AKR1C8: variants seen among roughly 807,000 people sequenced by gnomAD.
AKR1C8 encodes the protein aldo-keto reductase family 1 member C8.
At chr10:5,158,000 G>A in the AKR1C8 span, among the ~76,000 whole-genome samples, 1 of 152,188 alleles carries the variant, frequency 6.6e-6, no homozygotes, top group African/African-American at 2.4e-5. Context: ...CCATTAACAG[G>A]TGAATGGATA....
At chr10:5,184,827 C>T in the AKR1C8 span, among the ~76,000 whole-genome samples, 1 of 152,198 alleles carries the variant, frequency 6.6e-6, no homozygotes, top group Non-Finnish European at 1.5e-5. Context: ...CAATAACTTG[C>T]CATGCCACTT....
At chr10:5,176,655 A>G in the AKR1C8 span, among the ~76,000 whole-genome samples, 41 of 151,506 alleles carry the variant, frequency 2.7e-4, no homozygotes, top group Non-Finnish European at 4.4e-4. Flanking sequence ...TTATTTCCTT[A>G]AGCAGTGGTT....
the AKR1C8 span, chr10:5,157,615 C>A: frequency 2.1e-6 from 1 of 466,614 alleles, no homozygotes; most frequent in Non-Finnish European, 4.5e-6. Flanking sequence ...CACTCTGGAG[C>A]GACTCTGCTC....
chr10:5,178,989 ATAT>A, the AKR1C8 span, among the ~76,000 whole-genome samples: 9 of 152,206 alleles, frequency 5.9e-5, no homozygotes, highest in African/African-American at 1.9e-4. Context: ...TTTAAAGTTA[ATAT>A]TATTATGTTT....
At chr10:5,139,629 A>C in the AKR1C8 span, among the ~76,000 whole-genome samples, 1 of 152,050 alleles carries the variant, frequency 6.6e-6, no homozygotes, top group Non-Finnish European at 1.5e-5. Context: ...TCCCTTCCTT[A>C]TATCTTGTAC....
chr10:5,174,978 A>G, the AKR1C8 span, among the ~76,000 whole-genome samples: 1 of 151,932 alleles, frequency 6.6e-6, no homozygotes, highest in Non-Finnish European at 1.5e-5. Context: ...TTATTTTGTT[A>G]TTATTATATT....
chr10:5,151,279 G>A, the AKR1C8 span, among the ~76,000 whole-genome samples: 1 of 152,116 alleles, frequency 6.6e-6, no homozygotes, highest in Non-Finnish European at 1.5e-5. Context: ...CGCATGACTC[G>A]TAAACCATAA....
chr10:5,185,082 C>T, the AKR1C8 span: 111 of 534,808 alleles, frequency 2.1e-4, no homozygotes, highest in African/African-American at 1.8e-3. Flanking sequence ...CACTGAATGG[C>T]TTTGCTTCAG....
chr10:5,142,378 C>T, the AKR1C8 span, among the ~76,000 whole-genome samples: 1 of 152,082 alleles, frequency 6.6e-6, no homozygotes, highest in Non-Finnish European at 1.5e-5. Flanking sequence ...CTGTAGTTTC[C>T]TTAAAGAACT....
chr10:5,120,466 T>C, the AKR1C8 span, among the ~76,000 whole-genome samples: 6 of 152,186 alleles, frequency 3.9e-5, no homozygotes, highest in African/African-American at 1.2e-4. Flanking sequence ...GTAATAGTAG[T>C]ATTATTTGTT....
the AKR1C8 span, among the ~76,000 whole-genome samples, chr10:5,177,361 T>C: frequency 2.0e-5 from 3 of 152,220 alleles, no homozygotes; most frequent in Admixed American, 6.5e-5. Flanking sequence ...CTTTTTGATG[T>C]GCTGCTGGAT....
the AKR1C8 span, among the ~76,000 whole-genome samples, chr10:5,123,015 G>A: frequency 8.6e-4 from 131 of 152,204 alleles, 1 homozygote; most frequent in Non-Finnish European, 1.3e-3. Flanking sequence ...AGCAGATGTC[G>A]CTAGCACAGG....
At chr10:5,167,927 A>G in the AKR1C8 span, among the ~76,000 whole-genome samples, 2 of 152,136 alleles carry the variant, frequency 1.3e-5, no homozygotes, top group Admixed American at 1.3e-4. Flanking sequence ...CAACTCTTAG[A>G]AACCTAATAT....
the AKR1C8 span, among the ~76,000 whole-genome samples, chr10:5,128,888 A>G: frequency 6.6e-6 from 1 of 152,096 alleles, no homozygotes; most frequent in Non-Finnish European, 1.5e-5. Context: ...CAAGGCAGAA[A>G]GTAAATAGGA....
chr10:5,146,493 C>G, the AKR1C8 span, among the ~76,000 whole-genome samples: 1 of 151,924 alleles, frequency 6.6e-6, no homozygotes, highest in African/African-American at 2.4e-5. Flanking sequence ...CTAGATATCC[C>G]GAGAGAGAAG....
the AKR1C8 span, among the ~76,000 whole-genome samples, chr10:5,167,606 G>A: frequency 1.3e-5 from 2 of 152,194 alleles, no homozygotes; most frequent in African/African-American, 4.8e-5. Context: ...GACACAGGAA[G>A]GGGAACAACA....
chr10:5,175,182 G>A, the AKR1C8 span, among the ~76,000 whole-genome samples: 8 of 138,518 alleles, frequency 5.8e-5, no homozygotes, highest in South Asian at 4.4e-4. Flanking sequence ...GTGTCCATGT[G>A]TTCTCATTGT....
the AKR1C8 span, among the ~76,000 whole-genome samples, chr10:5,174,788 T>C: frequency 1.3e-5 from 2 of 151,638 alleles, no homozygotes; most frequent in Non-Finnish European, 2.9e-5. Context: ...AAAATAAATA[T>C]TTTGCCTAGG....
At chr10:5,127,796 A>C in the AKR1C8 span, among the ~76,000 whole-genome samples, 1 of 151,954 alleles carries the variant, frequency 6.6e-6, no homozygotes, top group East Asian at 1.9e-4. Context: ...TAAAACAGCC[A>C]AACCTAAGAA....
Sources: allele counts gnomAD v4.1 joint callset (sites outside exome capture counted in the v4.1 genomes callset), GRCh38; gene constraint gnomAD v4.1.1; transcripts MANE v1.5; gene names NCBI Gene and HGNC (gene_info 2026-07-23, HGNC 2026-07-21).